C1orf21: variants seen among roughly 807,000 people sequenced by gnomAD.
The protein encoded by C1orf21 is uncharacterized protein C1orf21.
C1orf21 carries 3 observed loss-of-function variants against 18.7 expected under a neutral mutation model. That is an observed-to-expected ratio of 0.16 (90% CI 0.07 to 0.42). The LOEUF (loss-of-function observed/expected upper bound fraction) is 0.42. Ranked by LOEUF, C1orf21 falls within the 10% of genes least tolerant of loss-of-function variation. The pLI is 0.99. For missense variants in C1orf21, 104 were observed against 143.6 expected, an observed-to-expected ratio of 0.72 and a Z score of 1.41; for synonymous variants, 41 against 46.4, an observed-to-expected ratio of 0.88 and a Z score of 0.47.
intron 3 of C1orf21, among the ~76,000 whole-genome samples, chr1:184,575,094 A>T (rs1659168450): frequency 1.3e-5 from 2 of 152,242 alleles, no homozygotes; most frequent in African/African-American, 4.8e-5. Flanking sequence ...GAATGAAGAT[A>T]TTTCTAGCAG....
intron 1 of C1orf21, among the ~76,000 whole-genome samples, chr1:184,425,496 A>G (rs12756084): frequency 0.06 from 9,112 of 152,086 alleles, 342 homozygotes; most frequent in Non-Finnish European, 0.072. Flanking sequence ...TCCTGGGCTC[A>G]AGCAATTTTC....
chr1:184,427,237 G>A (rs1446015766), intron 1 of C1orf21, among the ~76,000 whole-genome samples: 1 of 152,130 alleles, frequency 6.6e-6, no homozygotes, highest in Non-Finnish European at 1.5e-5. Context: ...AGTGCCTAGT[G>A]CTTACAAAAA....
intron 5 of C1orf21, among the ~76,000 whole-genome samples, chr1:184,616,208 A>G (rs557817783): frequency 1.3e-5 from 2 of 152,242 alleles, no homozygotes; most frequent in East Asian, 1.9e-4. Context: ...TTTGTTACCA[A>G]AGAAGTTGCT....
chr1:184,462,162 A>T (rs949787930), intron 1 of C1orf21, among the ~76,000 whole-genome samples: 4 of 152,324 alleles, frequency 2.6e-5, no homozygotes, highest in African/African-American at 9.6e-5. Context: ...TCCTCATTCG[A>T]TGGACCACAC....
intron 1 of C1orf21, among the ~76,000 whole-genome samples, chr1:184,428,055 G>C (rs1656669585): frequency 6.6e-6 from 1 of 152,184 alleles, no homozygotes; most frequent in Non-Finnish European, 1.5e-5. Context: ...CTGAGTTTTG[G>C]TTTCCTTGTC....
chr1:184,557,643 T>A (rs1017740374), intron 3 of C1orf21, among the ~76,000 whole-genome samples: 1 of 152,244 alleles, frequency 6.6e-6, no homozygotes, highest in Admixed American at 6.5e-5. Context: ...CTTTATCCAC[T>A]TGTTGATTGA....
At chr1:184,480,984 T>C (rs1245323033) in intron 2 of C1orf21, among the ~76,000 whole-genome samples, 1 of 152,126 alleles carries the variant, frequency 6.6e-6, no homozygotes, top group African/African-American at 2.4e-5. Flanking sequence ...TGTTGTCTCT[T>C]GAGGCAATCT....
intron 5 of C1orf21, among the ~76,000 whole-genome samples, chr1:184,608,211 G>T (rs918933586): frequency 6.6e-6 from 1 of 152,166 alleles, no homozygotes; most frequent in African/African-American, 2.4e-5. Context: ...GGAATATAGT[G>T]TCTTTACATT....
chr1:184,437,510 C>T (rs753680385), intron 1 of C1orf21, among the ~76,000 whole-genome samples: 8 of 151,948 alleles, frequency 5.3e-5, no homozygotes, highest in South Asian at 4.2e-4. Flanking sequence ...AAAGGTAGTA[C>T]GCAGCAGTAA....
At chr1:184,542,193 C>T (rs940068187) in intron 3 of C1orf21, among the ~76,000 whole-genome samples, 6 of 152,094 alleles carry the variant, frequency 3.9e-5, no homozygotes, top group African/African-American at 7.2e-5. Context: ...GAACATCCTA[C>T]CAGATGTGGG....
chr1:184,499,167 C>G (rs1571386886), intron 2 of C1orf21, among the ~76,000 whole-genome samples: 1 of 152,246 alleles, frequency 6.6e-6, no homozygotes, highest in East Asian at 1.9e-4. Flanking sequence ...TCCTCCTCTT[C>G]CCCTTTCTGC....
chr1:184,394,359 C>G (rs1344309921), intron 1 of C1orf21, among the ~76,000 whole-genome samples: 5 of 151,876 alleles, frequency 3.3e-5, no homozygotes, highest in African/African-American at 1.2e-4. Context: ...TGCCTGGTGA[C>G]TTATGGTTTT....
At chr1:184,555,393 C>G (rs1015104434) in intron 3 of C1orf21, among the ~76,000 whole-genome samples, 10 of 151,946 alleles carry the variant, frequency 6.6e-5, no homozygotes, top group African/African-American at 2.2e-4. Flanking sequence ...ACTGAGGCAG[C>G]CCCTCAGATC....
intron 5 of C1orf21, chr1:184,599,478 C>G (rs1339428376): frequency 1.3e-5 from 2 of 152,124 alleles, no homozygotes; most frequent in South Asian, 4.1e-4. Flanking sequence ...GTATCATCTT[C>G]TAAGCCACCA....
At chr1:184,398,431 C>T (rs1571340214) in intron 1 of C1orf21, among the ~76,000 whole-genome samples, 2 of 152,184 alleles carry the variant, frequency 1.3e-5, no homozygotes, top group African/African-American at 2.4e-5. Flanking sequence ...AACTCCCAGC[C>T]AGTTCTGTTT....
chr1:184,443,202 T>G (rs1656974227), intron 1 of C1orf21, among the ~76,000 whole-genome samples: 1 of 152,202 alleles, frequency 6.6e-6, no homozygotes, highest in Non-Finnish European at 1.5e-5. Flanking sequence ...ACTCCTTGCG[T>G]GCAAATTTAT....
chr1:184,427,658 C>T (rs77935378), intron 1 of C1orf21, among the ~76,000 whole-genome samples: 1,841 of 152,256 alleles, frequency 0.012, 30 homozygotes, highest in African/African-American at 0.036. Context: ...CAGCTCTGAG[C>T]AATAGGAAAC....
At chr1:184,422,309 G>A (rs1656558537) in intron 1 of C1orf21, among the ~76,000 whole-genome samples, 1 of 152,140 alleles carries the variant, frequency 6.6e-6, no homozygotes, top group African/African-American at 2.4e-5. Context: ...GCAGATTTTG[G>A]AATCAAACAC....
At chr1:184,595,738 T>C (rs1308985525) in intron 4 of C1orf21, among the ~76,000 whole-genome samples, 7 of 152,170 alleles carry the variant, frequency 4.6e-5, no homozygotes, top group Non-Finnish European at 8.8e-5. Flanking sequence ...CCAGTGACAA[T>C]GCAGGTTATC....
Sources: allele counts gnomAD v4.1 joint callset (sites outside exome capture counted in the v4.1 genomes callset), GRCh38; gene constraint gnomAD v4.1.1; transcripts MANE v1.5; gene names NCBI Gene and HGNC (gene_info 2026-07-23, HGNC 2026-07-21).